GSDME: variants seen among roughly 807,000 people sequenced by gnomAD.
GSDME encodes the protein gasdermin E.
GSDME carries 44 observed loss-of-function variants against 47.5 expected under a neutral mutation model. That is an observed-to-expected ratio of 0.93 (90% CI 0.73 to 1.19). The LOEUF is 1.19. GSDME is among the 50% of genes most tolerant of loss of function. The pLI is 0.00. For missense variants in GSDME, 663 were observed against 604.2 expected (o/e 1.10, Z -1.02); for synonymous variants, 258 against 252.8 (o/e 1.02, Z -0.20).
At position 24,699,214 on chromosome 7, in the gene GSDME, T is replaced by C. The variant is rs746772129; in HGVS notation, c.1303A>G (p.Thr435Ala). ...DDGVSDLEDP[T>A]LTPLKDTERF... ...TCTGTATCTTTCAGGGGAGTCAAGGTTGGGTCTTCAAGATCAGATACTCCA... is the reference window on the plus strand; with the variant it reads ...TCTGTATCTTTCAGGGGAGTCAAGGCTGGGTCTTCAAGATCAGATACTCCA... Residue 435 changes from threonine to alanine, a missense_variant, in exon 10 of 10, where the codon ACC (threonine) becomes GCC (alanine). Physicochemically the swap from Thr to Ala is moderately conservative, Grantham distance 58 (BLOSUM62 0). Transcript: ENST00000645220. 1.9e-6 allele frequency: 3 copies of C among 1,614,042 alleles called. No homozygotes were observed. Among genetic ancestry groups the C allele is most frequent in the Admixed American group, 3.3e-5 (2 of 60,006 alleles).
the GSDME span, among the ~76,000 whole-genome samples, chr7:24,775,998 G>A: frequency 6.6e-6 from 1 of 150,904 alleles, no homozygotes; most frequent in Non-Finnish European, 1.5e-5. Flanking sequence ...TGACCAACAT[G>A]GTGAAACCTC....
chr7:24,730,921 C>G (rs1027185481), intron 3 of GSDME, among the ~76,000 whole-genome samples: 1 of 152,208 alleles, frequency 6.6e-6, no homozygotes, highest in Non-Finnish European at 1.5e-5. Flanking sequence ...CCCCAGCACA[C>G]CCTTCTCTAC....
At chr7:24,720,331 A>G (rs1789731464) in intron 3 of GSDME, among the ~76,000 whole-genome samples, 1 of 152,240 alleles carries the variant, frequency 6.6e-6, no homozygotes, top group Non-Finnish European at 1.5e-5. Flanking sequence ...AGTTGGTGAC[A>G]GCACAAGAAA....
At chr7:24,769,068 C>T in the GSDME span, among the ~76,000 whole-genome samples, 5 of 152,196 alleles carry the variant, frequency 3.3e-5, no homozygotes, top group Admixed American at 2.0e-4. Flanking sequence ...ACCTGGAAGT[C>T]GTTGCTCTAT....
At position 24,719,158 on chromosome 7, in the gene GSDME, C is replaced by G. The variant is rs375143165; in HGVS notation, c.465G>C (p.Leu155=). 8 of 1,613,786 alleles carry G rather than the reference C, an allele frequency of 5.0e-6. No homozygotes were observed. The highest frequency in any genetic ancestry group is 6.8e-6 in the Non-Finnish European group (8 of 1,180,036). Residue 155 remains leucine, a synonymous_variant, in exon 4 of 10, where the codon CTG becomes CTC. Coordinates refer to ENST00000645220, the MANE Select transcript of GSDME (RefSeq NM_001127453.2). ...QQVLEGRNEV[L]CVLTQKITTM... ...TCGTGATCTTCTGTGTCAAAACGCA[C>G]AGGACCTCATTCCTTCCTTCCAGCA...
intron 3 of GSDME, among the ~76,000 whole-genome samples, chr7:24,722,093 C>G (rs1403699281): frequency 3.3e-5 from 5 of 152,170 alleles, no homozygotes; most frequent in African/African-American, 1.2e-4. Context: ...GAATATAAAC[C>G]CCACAGAGGT....
At chr7:24,709,643 C>A (rs1463220046) in intron 6 of GSDME, among the ~76,000 whole-genome samples, 1 of 152,166 alleles carries the variant, frequency 6.6e-6, no homozygotes, top group East Asian at 1.9e-4. Context: ...GCTGCGCCCC[C>A]ACATCCCCGA....
Position 24,752,986 on chromosome 7 carries a change from T to G in GSDME, c.-19-3193A>C, listed in dbSNP as rs553910277. Among the ~76,000 whole-genome samples the G allele has an allele frequency of 5.1e-3, 758 of 149,234 alleles. 5 individuals carry two copies. Among genetic ancestry groups the G allele is most frequent in the Non-Finnish European group, 8.9e-3 (599 of 67,086 alleles). On this transcript the variant is annotated intron_variant, in intron 1 of 9. Coordinates refer to ENST00000645220, the MANE Select transcript of GSDME (RefSeq NM_001127453.2). ...AAAAGAGGAAATTCCTAAATTAATT[T>G]TTCATGTTTTTTTTTTTTCCATCTA...
At chr7:24,775,174 T>G in the GSDME span, among the ~76,000 whole-genome samples, 1 of 152,160 alleles carries the variant, frequency 6.6e-6, no homozygotes, top group South Asian at 2.1e-4. Flanking sequence ...TCTCATGCTG[T>G]TACAAAATAT....
Position 24,710,299 on chromosome 7 carries a change from ACT to A in GSDME, c.785_786del (p.Glu262ValfsTer42), listed in dbSNP as rs756358822. On this transcript the variant is annotated frameshift_variant, in exon 6 of 10. Coordinates refer to ENST00000645220, the MANE Select transcript of GSDME (RefSeq NM_001127453.2). LOFTEE classifies it high-confidence loss of function. The stretch of plus-strand genomic sequence containing the variant: ...GCATCTGGCATGTCTATGAATGCAA[ACT>A]CTCGAAAGACCAGGGGGTCCAGGTA... ...SVYLDPLVFREFAFIDMPDAA... is the reference protein window; with the variant it reads ...SVYLDPLVFRXFAFIDMPDAA... The A allele has an allele frequency of 2.4e-5, 39 of 1,614,090 alleles. No homozygotes were observed. Among genetic ancestry groups the A allele is most frequent in the Non-Finnish European group, 3.0e-5 (35 of 1,180,040 alleles).
At chr7:24,761,661 G>A (rs1287695727), upstream of GSDME, among the ~76,000 whole-genome samples, 2 of 152,188 alleles carry the variant, frequency 1.3e-5, no homozygotes, top group Non-Finnish European at 2.9e-5. The surrounding 1 kb of genome is among the most constrained non-coding windows in gnomAD (Gnocchi z 4.4). Flanking sequence ...TGCCTTGAGG[G>A]TGGGACTGAA....
At chr7:24,762,040 G>C (rs1369898522), upstream of GSDME, among the ~76,000 whole-genome samples, 1 of 152,112 alleles carries the variant, frequency 6.6e-6, no homozygotes, top group Non-Finnish European at 1.5e-5. Flanking sequence ...GATCAGTTGA[G>C]CCCAGGAGTT....
Position 24,739,985 on chromosome 7 carries a change from C to T in GSDME, c.404+4577G>A, listed in dbSNP as rs1236181134. 2.0e-5 allele frequency among the ~76,000 whole-genome samples: 3 copies of T among 151,600 alleles called. No homozygotes were observed. Among genetic ancestry groups the T allele is most frequent in the East Asian group, 1.9e-4 (1 of 5,176 alleles). On this transcript the variant is annotated intron_variant, in intron 3 of 9. Coordinates refer to ENST00000645220, the MANE Select transcript of GSDME (RefSeq NM_001127453.2). The surrounding 1 kb of genome is among the most constrained non-coding windows in gnomAD (Gnocchi z 5.1). ...ATGGGTGCCTGTAATCCCAGCTACT[C>T]GGGAAGCTGAGGCTGGAGAACTGCT...
At chr7:24,717,509 G>A in intron 4 of GSDME, 135 bp from the exon 5 acceptor site, 1 of 1,410,278 alleles carries the variant, frequency 7.1e-7, no homozygotes, top group Non-Finnish European at 9.7e-7. Flanking sequence ...GAACAGAGGA[G>A]CCAGCCAGCA....
At position 24,698,908 on chromosome 7, in the gene GSDME, C is replaced by T. The variant is rs889168369; in HGVS notation, c.*118G>A. Reference sequence around the variant, plus strand: ...TCATTCATCATGCAAAATGTCACCACTTCTTAAACTGTTCTGTAAATTCAT... The same window carrying T: ...TCATTCATCATGCAAAATGTCACCATTTCTTAAACTGTTCTGTAAATTCAT... On this transcript the variant is annotated 3_prime_UTR_variant, in exon 10 of 10. Transcript: ENST00000645220. 4 of 803,228 alleles carry T rather than the reference C, an allele frequency of 5.0e-6. No individual in the cohort carries two copies. Among genetic ancestry groups the T allele is most frequent in the Non-Finnish European group, 8.5e-6 (4 of 469,894 alleles). The allele number at this position is 803,228 out of a possible 1,614,324, so 49.8% of individuals were successfully genotyped here.
At chr7:24,772,252 C>T in the GSDME span, among the ~76,000 whole-genome samples, 23 of 152,342 alleles carry the variant, frequency 1.5e-4, no homozygotes, top group Admixed American at 9.2e-4. This position sits in a 1 kb window ranked among gnomAD's most constrained non-coding sequence, Gnocchi z 4.5. Context: ...CTGTTCCCAA[C>T]TCTTCATGTG....
the GSDME span, among the ~76,000 whole-genome samples, chr7:24,778,794 C>T: frequency 2.6e-5 from 4 of 152,202 alleles, no homozygotes; most frequent in Admixed American, 1.3e-4. The surrounding 1 kb of genome is among the most constrained non-coding windows in gnomAD (Gnocchi z 5.6). Flanking sequence ...AATCCAGTTA[C>T]GTGGCCACTC....
At chr7:24,741,538 G>A (rs1790492090) in intron 3 of GSDME, among the ~76,000 whole-genome samples, 1 of 152,074 alleles carries the variant, frequency 6.6e-6, no homozygotes, top group Non-Finnish European at 1.5e-5. Context: ...GTTTTTTCAA[G>A]GACAAAGTTT....
chr7:24,746,150 C>T (rs1187320408), intron 2 of GSDME, among the ~76,000 whole-genome samples: 1 of 152,204 alleles, frequency 6.6e-6, no homozygotes, highest in African/African-American at 2.4e-5. Flanking sequence ...CATTCAATCA[C>T]CTTTGAAATT....
Sources: allele counts gnomAD v4.1 joint callset (sites outside exome capture counted in the v4.1 genomes callset), GRCh38; gene constraint gnomAD v4.1.1; non-coding constraint Gnocchi (gnomAD v3.1); transcripts MANE v1.5; gene names NCBI Gene and HGNC (gene_info 2026-07-23, HGNC 2026-07-21).